The following KDM4C variants were observed in gnomAD, a reference collection of about 807,000 sequenced individuals.
KDM4C encodes lysine demethylase 4C.
A neutral mutation model predicts 129.3 loss-of-function variants in KDM4C; 81 were observed. That is an observed-to-expected ratio of 0.63 (90% CI 0.52 to 0.75). The LOEUF (loss-of-function observed/expected upper bound fraction) is 0.75. Among genes scored for constraint, KDM4C ranks in the 30% least tolerant of loss-of-function variants. The pLI, the probability that KDM4C is intolerant of heterozygous loss-of-function variation, is 0.00. For missense variants in KDM4C, 1,457 were observed against 1,304.0 expected (o/e 1.12, Z -1.81); for synonymous variants, 573 against 456.1 (o/e 1.26, Z -3.26).
At chr9:7,066,980 A>T (rs902219248) in intron 17 of KDM4C, among the ~76,000 whole-genome samples, 4 of 152,232 alleles carry the variant, frequency 2.6e-5, no homozygotes, top group Non-Finnish European at 4.4e-5. Context: ...ACAAGAGGGA[A>T]TCAGTGGCCC....
intron 19 of KDM4C, among the ~76,000 whole-genome samples, chr9:7,142,641 G>A (rs887858117): frequency 1.3e-5 from 2 of 152,222 alleles, no homozygotes; most frequent in African/African-American, 4.8e-5. Flanking sequence ...TAAAATGTGT[G>A]TGGTTAGTGG....
intron 15 of KDM4C, among the ~76,000 whole-genome samples, chr9:7,029,911 G>T (rs893083942): frequency 1.3e-5 from 2 of 152,182 alleles, no homozygotes; most frequent in Non-Finnish European, 2.9e-5. Context: ...TTTATTGCCA[G>T]TTTGAAAAAC....
chr9:6,953,204 A>G (rs1275907432), intron 8 of KDM4C, among the ~76,000 whole-genome samples: 1 of 152,222 alleles, frequency 6.6e-6, no homozygotes, highest in East Asian at 1.9e-4. Context: ...AGCATCAGAC[A>G]TCTCCCTTTC....
chr9:6,851,050 T>C (rs996503627), intron 5 of KDM4C, among the ~76,000 whole-genome samples: 2 of 152,184 alleles, frequency 1.3e-5, no homozygotes, highest in African/African-American at 4.8e-5. Flanking sequence ...CCACCACGCC[T>C]GGCCAAATGA....
intron 12 of KDM4C, among the ~76,000 whole-genome samples, chr9:6,991,543 G>A (rs1818747386): frequency 6.6e-6 from 1 of 152,152 alleles, no homozygotes; most frequent in Non-Finnish European, 1.5e-5. Flanking sequence ...TTTCTGTTAA[G>A]AGTCCTTCTC....
intron 1 of KDM4C, among the ~76,000 whole-genome samples, chr9:6,762,222 A>G (rs1015739406): frequency 6.6e-6 from 1 of 152,050 alleles, no homozygotes; most frequent in Admixed American, 6.6e-5. Flanking sequence ...TACATAAGGT[A>G]TTTCTCCTAA....
intron 19 of KDM4C, among the ~76,000 whole-genome samples, chr9:7,155,485 C>T (rs968874317): frequency 2.0e-5 from 3 of 152,050 alleles, no homozygotes; most frequent in Admixed American, 6.6e-5. Context: ...TTACGTATTT[C>T]TCCTAAGGCT....
At chr9:6,901,458 C>T (rs1817400545) in intron 8 of KDM4C, among the ~76,000 whole-genome samples, 2 of 152,326 alleles carry the variant, frequency 1.3e-5, no homozygotes, top group East Asian at 1.9e-4. Flanking sequence ...TCCTGTCCTT[C>T]AGATTCACTG....
At chr9:6,903,918 A>C (rs986722773) in intron 8 of KDM4C, among the ~76,000 whole-genome samples, 1 of 152,170 alleles carries the variant, frequency 6.6e-6, no homozygotes, top group African/African-American at 2.4e-5. Flanking sequence ...TTATTTTGCC[A>C]TGTCTTTAAT....
At chr9:6,732,143 G>T (rs189469418) in intron 1 of KDM4C, among the ~76,000 whole-genome samples, 6 of 151,702 alleles carry the variant, frequency 4.0e-5, no homozygotes, top group Non-Finnish European at 7.4e-5. Flanking sequence ...AAGGTGGGCG[G>T]ATCACGAGGT....
intron 17 of KDM4C, among the ~76,000 whole-genome samples, chr9:7,051,279 A>G (rs542694130): frequency 2.8e-4 from 43 of 152,304 alleles, no homozygotes; most frequent in African/African-American, 9.4e-4. Context: ...GACAGGGGCA[A>G]TGACTGAAAG....
chr9:7,011,509 A>G (rs552431829), intron 12 of KDM4C, among the ~76,000 whole-genome samples, 189 bp from the exon 13 acceptor site: 1 of 152,272 alleles, frequency 6.6e-6, no homozygotes, highest in African/African-American at 2.4e-5. Context: ...CTAGTCTTTG[A>G]GGCTTGAGGA....
chr9:7,170,750 C>T (rs1184341432), intron 21 of KDM4C: 11 of 983,190 alleles, frequency 1.1e-5, no homozygotes, highest in Non-Finnish European at 9.7e-6. Flanking sequence ...TTATGATATA[C>T]TTGTCTGCAG....
chr9:6,917,661 G>A (rs902378620), intron 8 of KDM4C, among the ~76,000 whole-genome samples: 2 of 152,142 alleles, frequency 1.3e-5, no homozygotes, highest in South Asian at 2.1e-4. Flanking sequence ...TGCCGAGTTC[G>A]TTGGCTCTCC....
intron 11 of KDM4C, 130 bp from the exon 12 acceptor site, chr9:6,990,286 C>T: frequency 1.5e-6 from 1 of 670,288 alleles, no homozygotes; most frequent in Non-Finnish European, 2.7e-6. Context: ...AGGACTAGTT[C>T]CCCAAGAGGT....
chr9:6,989,967 A>G (rs2760655), intron 11 of KDM4C, among the ~76,000 whole-genome samples: 123,719 of 150,836 alleles, frequency 0.82, 51,527 homozygotes, highest in Non-Finnish European at 0.88. Flanking sequence ...TTATTGACAC[A>G]GAGTCTCCCT....
In KDM4C at chr9:6,728,262, G is replaced by A. The variant is rs182888061; in HGVS notation, c.49+7265G>A. Among the ~76,000 whole-genome samples, 6 of 152,192 alleles carry A rather than the reference G, an allele frequency of 3.9e-5. No homozygotes were observed. In the East Asian group the frequency reaches 9.7e-4, roughly 25 times the overall value. ...AAAAACCAAGTATTCTTGGCCGGATGTGGTGGCTCACGCCTGTAATCCCAG... is the reference window on the plus strand; with the variant it reads ...AAAAACCAAGTATTCTTGGCCGGATATGGTGGCTCACGCCTGTAATCCCAG... On this transcript the variant is annotated intron_variant, in intron 1 of 17. Coordinates refer to the KDM4C transcript ENST00000536108.
intron 1 of KDM4C, among the ~76,000 whole-genome samples, chr9:6,772,406 G>T (rs1487246628): frequency 1.3e-5 from 2 of 152,088 alleles, no homozygotes; most frequent in Non-Finnish European, 2.9e-5. Flanking sequence ...TTGTTGCCCA[G>T]GCTGGAGTGC....
At chr9:6,851,803 T>C (rs1838894613) in intron 5 of KDM4C, among the ~76,000 whole-genome samples, 1 of 152,222 alleles carries the variant, frequency 6.6e-6, no homozygotes, top group Non-Finnish European at 1.5e-5. Context: ...TGGTCAGGGC[T>C]AAGATGGATT....
Sources: gnomAD v4.1 joint callset for allele counts (sites outside exome capture counted in the v4.1 genomes callset) on GRCh38, gnomAD v4.1.1 for gene constraint, MANE v1.5 for transcripts, NCBI Gene and HGNC (gene_info 2026-07-23, HGNC 2026-07-21) for gene names.